Variants in PCDHGA2 observed in about 807,000 individuals in gnomAD.
The protein encoded by PCDHGA2 is protocadherin gamma-A2.
In PCDHGA2, 40 loss-of-function variants were observed where a neutral mutation model predicts 59.2. The ratio of observed to expected loss-of-function variants is 0.68; its 90% CI spans 0.52 to 0.88. The LOEUF (loss-of-function observed/expected upper bound fraction) is 0.88. Ranked by LOEUF, PCDHGA2 falls within the 40% of genes least tolerant of loss-of-function variation. The probability of loss-of-function intolerance (pLI) is 0.00; values close to 1 mark genes in which losing one functional copy is unlikely to be tolerated. For synonymous variants in PCDHGA2, 560 were observed against 526.0 expected, an observed-to-expected ratio of 1.06 and a Z score of -0.89; for missense variants, 1,226 against 1,204.0, an observed-to-expected ratio of 1.02 and a Z score of -0.27.
At chr5:141,358,684 A>C (rs1437513367) in intron 1 of PCDHGA2, among the ~76,000 whole-genome samples, 1 of 152,182 alleles carries the variant, frequency 6.6e-6, no homozygotes, top group African/African-American at 2.4e-5. Flanking sequence ...ATTGCTTATC[A>C]TGACATCACT....
At chr5:141,478,449 C>A in intron 1 of PCDHGA2, 1 of 1,613,540 alleles carries the variant, frequency 6.2e-7, no homozygotes. Context: ...AAACCTGGTG[C>A]AGCCAGTCCA....
Position 141,351,977 on chromosome 5 carries a change from A to G in PCDHGA2, c.2424+10582A>G, listed in dbSNP as rs531004822. 39 of 1,612,178 alleles carry G rather than the reference A, an allele frequency of 2.4e-5. No homozygotes were observed. The South Asian group carries it at 3.5e-4, about 15-fold the overall frequency. ...GCCTGATGGCTCCGCCCTCTTCGAT[A>G]TGGTGCCACGCGCCGCAGAGCCCGG... On this transcript the variant is annotated intron_variant, in intron 1 of 3. Coordinates refer to ENST00000394576, the MANE Select transcript of PCDHGA2 (RefSeq NM_018915.4).
At position 141,421,030 on chromosome 5, in the gene PCDHGA2, G is replaced by A. The variant is rs989158485; in HGVS notation, c.2425-73777G>A. The stretch of plus-strand genomic sequence containing the variant: ...GGAATGGGAAGCTGCGCGCCATTGA[G>A]TCCCTCCCTCCCCCGCCTCTACCAC... On this transcript the variant is annotated intron_variant, in intron 1 of 3. Coordinates refer to ENST00000394576, the MANE Select transcript of PCDHGA2 (RefSeq NM_018915.4). 39 of 532,352 alleles carry A rather than the reference G, an allele frequency of 7.3e-5. No homozygotes were observed. In the East Asian group the frequency reaches 1.2e-3, roughly 17 times the overall value. 33.0% of individuals were successfully genotyped at this position (532,352 alleles called of 1,614,324 possible). A position where few individuals can be genotyped will look rare whatever the true frequency, so the allele number is the denominator to read the frequency against.
At chr5:141,365,842 T>C in intron 1 of PCDHGA2, 4 of 1,613,964 alleles carry the variant, frequency 2.5e-6, no homozygotes, top group Non-Finnish European at 3.4e-6. Context: ...TGTCCTCCTA[T>C]GTATCCATTA....
At chr5:141,356,043 C>T (rs755704809) in intron 1 of PCDHGA2, 3 of 1,613,952 alleles carry the variant, frequency 1.9e-6, no homozygotes, top group Admixed American at 1.7e-5. Flanking sequence ...CGTATTCTTT[C>T]CGGAAAGTAA....
chr5:141,409,443 A>C (rs1276603306), intron 1 of PCDHGA2: 1 of 1,614,014 alleles, frequency 6.2e-7, no homozygotes, highest in East Asian at 2.2e-5. Context: ...GACCGAGAGC[A>C]GACACCAGAA....
intron 1 of PCDHGA2, chr5:141,371,080 G>A: frequency 1.2e-6 from 2 of 1,613,876 alleles, no homozygotes; most frequent in Non-Finnish European, 1.7e-6. Flanking sequence ...ACCCAGATCA[G>A]GGTAATTGTC....
intron 1 of PCDHGA2, chr5:141,388,516 C>T (rs755004350): frequency 4.3e-6 from 7 of 1,613,864 alleles, no homozygotes; most frequent in South Asian, 3.3e-5. Context: ...TACCACTTGA[C>T]TTTGACTGCC....
chr5:141,365,946 AC>A (rs774882856), intron 1 of PCDHGA2: 230 of 1,614,020 alleles, frequency 1.4e-4, no homozygotes, highest in Non-Finnish European at 1.9e-4. Flanking sequence ...GACAGTGGGA[AC>A]CCTCCACTTA....
chr5:141,354,174 T>C (rs182013448), intron 1 of PCDHGA2, among the ~76,000 whole-genome samples: 1 of 152,368 alleles, frequency 6.6e-6, no homozygotes. Flanking sequence ...ACTAAACTAT[T>C]ATCTGCACTT....
At chr5:141,438,595 T>C (rs11949887) in intron 1 of PCDHGA2, among the ~76,000 whole-genome samples, 1,254 of 57,838 alleles carry the variant, frequency 0.022, 9 homozygotes, top group Non-Finnish European at 0.023. Flanking sequence ...TACATACATA[T>C]ATATATATAT....
intron 1 of PCDHGA2, chr5:141,375,053 G>T: frequency 1.2e-6 from 2 of 1,614,046 alleles, no homozygotes; most frequent in South Asian, 2.2e-5. Context: ...AGCCCGGGAT[G>T]GGCCAGGTCT....
In PCDHGA2 at chr5:141,431,543, C is replaced by T. The variant is rs1334234544; in HGVS notation, c.2425-63264C>T. The T allele has an allele frequency of 1.9e-6, 3 of 1,614,128 alleles. No individual in the cohort carries two copies. The highest frequency in any genetic ancestry group is 2.5e-6 in the Non-Finnish European group (3 of 1,180,036). ...GAATCTGGCCTTGGGCACGCAGCTGCTTGTAGTCAACGCTACCGACCCTGA... is the reference window on the plus strand; with the variant it reads ...GAATCTGGCCTTGGGCACGCAGCTGTTTGTAGTCAACGCTACCGACCCTGA... On this transcript the variant is annotated intron_variant, in intron 1 of 3. Transcript: ENST00000394576. This position sits in a 1 kb window ranked among gnomAD's most constrained non-coding sequence, Gnocchi z 4.8.
intron 1 of PCDHGA2, chr5:141,342,791 T>G (rs1171905294): frequency 6.6e-6 from 1 of 152,246 alleles, no homozygotes. Flanking sequence ...TTTATATTTC[T>G]GTGCTTGGAA....
chr5:141,394,249 C>G (rs1055429829), intron 1 of PCDHGA2: 2 of 1,613,964 alleles, frequency 1.2e-6, no homozygotes, highest in South Asian at 2.2e-5. Context: ...GCACACGACC[C>G]CGACAGCCAG....
chr5:141,372,439 C>G, intron 1 of PCDHGA2: 2 of 1,614,068 alleles, frequency 1.2e-6, no homozygotes, highest in Non-Finnish European at 1.7e-6. Context: ...CCCACTCCCT[C>G]TGACCCTCAG....
intron 1 of PCDHGA2, chr5:141,357,443 C>A (rs1161118434): frequency 1.9e-6 from 3 of 1,614,104 alleles, no homozygotes; most frequent in Non-Finnish European, 2.5e-6. Flanking sequence ...GGGGTTCGGG[C>A]TTTCCTGCAG....
intron 1 of PCDHGA2, chr5:141,385,782 T>G (rs1169105462): frequency 6.2e-6 from 1 of 160,564 alleles, no homozygotes; most frequent in Non-Finnish European, 1.3e-5. Context: ...TCCATGTACC[T>G]CAGCTTGGTG....
In PCDHGA2 at chr5:141,357,746, G is replaced by A; in HGVS notation, c.2424+16351G>A. ...TCTTTTAATATTTTATTGCTTTAAAGAAAACTGGTGGATGACCTTCCAATA... is the reference window on the plus strand; with the variant it reads ...TCTTTTAATATTTTATTGCTTTAAAAAAAACTGGTGGATGACCTTCCAATA... On this transcript the variant is annotated intron_variant, in intron 1 of 3. Coordinates refer to ENST00000394576, the MANE Select transcript of PCDHGA2 (RefSeq NM_018915.4). 3 of 1,173,014 alleles carry A rather than the reference G, an allele frequency of 2.6e-6. No individual in the cohort carries two copies. In the South Asian group the frequency reaches 4.9e-5, roughly 19 times the overall value. 72.7% of individuals were successfully genotyped at this position (1,173,014 alleles called of 1,614,324 possible). A position where few individuals can be genotyped will look rare whatever the true frequency, so the allele number is the denominator to read the frequency against.
Sources: allele counts gnomAD v4.1 joint callset (sites outside exome capture counted in the v4.1 genomes callset), GRCh38; gene constraint gnomAD v4.1.1; non-coding constraint Gnocchi (gnomAD v3.1); transcripts MANE v1.5; gene names NCBI Gene and HGNC (gene_info 2026-07-23, HGNC 2026-07-21).